TUBB1: variants seen among roughly 807,000 people sequenced by gnomAD.
TUBB1 encodes tubulin beta-1 chain.
Under a neutral mutation model 22.6 loss-of-function variants are expected in TUBB1, and 28 were observed. That is an observed-to-expected ratio of 1.24 (90% confidence interval 0.92 to 1.70). The LOEUF (loss-of-function observed/expected upper bound fraction) is 1.70. TUBB1 is among the 40% of genes most tolerant of loss of function. The pLI is 0.00. For synonymous variants in TUBB1, 226 were observed against 238.0 expected, an observed-to-expected ratio of 0.95 and a Z score of 0.46; for missense variants, 577 against 605.5, an observed-to-expected ratio of 0.95 and a Z score of 0.49.
chr20:59,023,049 G>C, intron 2 of TUBB1, 96 bp downstream of exon 2: 1 of 1,170,740 alleles, frequency 8.5e-7, no homozygotes, highest in Non-Finnish European at 1.2e-6. Flanking sequence ...TCAAAGCAGT[G>C]ATGTCTATGC....
At chr20:59,019,083 G>A (rs2091956491), upstream of TUBB1, among the ~76,000 whole-genome samples, 1 of 152,204 alleles carries the variant, frequency 6.6e-6, no homozygotes, top group African/African-American at 2.4e-5. Context: ...AAGATGGACA[G>A]GGAAAGCCCT....
chr20:59,022,430 C>G (rs1446094365), intron 1 of TUBB1, among the ~76,000 whole-genome samples: 1 of 151,658 alleles, frequency 6.6e-6, no homozygotes, highest in East Asian at 1.9e-4. Context: ...TGAGTTATTA[C>G]TGTGAAATCA....
rs1279800870 is a variant in TUBB1, at chr20:59,022,900, G to A, written c.113G>A (p.Gly38Glu). The change falls in exon 2 of 4, where the codon GGG (glycine) becomes GAG (glutamate). Residue 38 changes from glycine (G) to glutamate (E), a missense_variant. By Grantham distance (98) the Gly-to-Glu change is moderately conservative. Coordinates refer to ENST00000217133, the MANE Select transcript of TUBB1 (RefSeq NM_030773.4). ...ATCGACTTGGCTGGGAGCGACCGCG[G>A]GGCCTCGGCCTTGCAGCTGGAGAGA... ...HGIDLAGSDR[G>E]ASALQLERIS... 6 of 1,614,138 alleles carry A rather than the reference G, an allele frequency of 3.7e-6. No homozygotes were observed. Among genetic ancestry groups the A allele is most frequent in the Non-Finnish European group, 5.1e-6 (6 of 1,180,016 alleles).
intron 1 of TUBB1, 22 bp downstream of exon 1, chr20:59,019,601 A>T: frequency 6.2e-7 from 1 of 1,613,900 alleles, no homozygotes; most frequent in Non-Finnish European, 8.5e-7. Context: ...CTGGTTACTA[A>T]TCCTAGCTTT....
chr20:59,021,798 C>T (rs559702998), intron 1 of TUBB1, among the ~76,000 whole-genome samples: 2 of 152,270 alleles, frequency 1.3e-5, no homozygotes, highest in South Asian at 4.1e-4. Flanking sequence ...AGTTTGAGAC[C>T]AGCCTGGCTA....
At chr20:59,018,227 A>G (rs939554671), upstream of TUBB1, among the ~76,000 whole-genome samples, 5 of 152,248 alleles carry the variant, frequency 3.3e-5, no homozygotes, top group South Asian at 8.3e-4. Flanking sequence ...GGGCAAGGAT[A>G]TGGAGCTGGT....
rs753979060 is a variant in TUBB1 at position 59,024,743 on chromosome 20, C to T, written c.1316C>T (p.Thr439Met). ...GTTCTAGAGGAAGATGAAGAGGTCA[C>T]GGAGGAGGCAGAAATGGAGCCAGAA... ...KAVLEEDEEV[T>M]EEAEMEPEDK... Residue 439 changes from threonine (T) to methionine (M), a missense_variant, in exon 4 of 4, where the codon ACG (threonine) becomes ATG (methionine). By Grantham distance (81) the Thr-to-Met change is moderately conservative. Coordinates refer to ENST00000217133, the MANE Select transcript of TUBB1 (RefSeq NM_030773.4). The surrounding 1 kb of genome is among the most constrained non-coding windows in gnomAD (Gnocchi z 4.9). The T allele has an allele frequency of 2.2e-5, 36 of 1,614,020 alleles. No homozygotes were observed. In the South Asian group the frequency reaches 2.5e-4, roughly 11 times the overall value.
intron 1 of TUBB1, among the ~76,000 whole-genome samples, chr20:59,022,505 G>A (rs1021588118): frequency 3.3e-5 from 5 of 152,166 alleles, no homozygotes; most frequent in African/African-American, 1.2e-4. Context: ...GCATTATAAG[G>A]AGAAATTAGA....
chr20:59,024,173 AC>A lies in TUBB1; in HGVS notation c.748del (p.Leu250CysfsTer6). The A allele has an allele frequency of 6.2e-7, 1 of 1,614,130 alleles. No homozygotes were observed. The highest frequency in any genetic ancestry group is 8.5e-7 in the Non-Finnish European group (1 of 1,180,020). ...SLRFPGQLNA[D>X]LRKLAVNMVP... ...CGGTTCCCGGGTCAGCTCAACGCAG[AC>A]CTGCGCAAGCTGGCGGTGAACATGG... On this transcript the variant is annotated frameshift_variant, in exon 4 of 4. Coordinates refer to ENST00000217133, the MANE Select transcript of TUBB1 (RefSeq NM_030773.4). LOFTEE classifies it high-confidence loss of function. This position sits in a 1 kb window ranked among gnomAD's most constrained non-coding sequence, Gnocchi z 4.9.
intron 2 of TUBB1, 23 bp from the exon 3 acceptor site, chr20:59,023,467 C>T (rs755728120): frequency 3.7e-6 from 6 of 1,606,026 alleles, no homozygotes; most frequent in Non-Finnish European, 5.1e-6. Context: ...AGTAGGCTGA[C>T]TTTTTCCTAT....
chr20:59,019,062 A>G (rs577441159), upstream of TUBB1, among the ~76,000 whole-genome samples: 33 of 152,124 alleles, frequency 2.2e-4, no homozygotes, highest in Non-Finnish European at 4.0e-4. Flanking sequence ...AAGTCTGGAA[A>G]AGGGGCCGGG....
intron 1 of TUBB1, among the ~76,000 whole-genome samples, chr20:59,021,280 A>T (rs2091965799): frequency 6.6e-6 from 1 of 152,222 alleles, no homozygotes; most frequent in Non-Finnish European, 1.5e-5. Flanking sequence ...TAGCGTTGAG[A>T]GTCCTGGCTG....
Position 59,024,687 on chromosome 20 carries a change from C to CATGTT in TUBB1, c.1260_1261insATGTT (p.Glu421MetfsTer14), listed in dbSNP as rs1325185285. ...AAAATAACATCCATGATTTGGTATC[C>CATGTT]GAGTACCAACAATTTCAAGATGCCA... On this transcript the variant is annotated frameshift_variant, in exon 4 of 4. Coordinates refer to ENST00000217133, the MANE Select transcript of TUBB1 (RefSeq NM_030773.4). LOFTEE classifies it low-confidence loss of function (END_TRUNC). This position sits in a 1 kb window ranked among gnomAD's most constrained non-coding sequence, Gnocchi z 4.9. 5.0e-6 allele frequency: 8 copies of CATGTT among 1,614,014 alleles called. No homozygotes were observed. Among genetic ancestry groups the CATGTT allele is most frequent in the African/African-American group, 1.3e-5 (1 of 74,968 alleles).
Position 59,023,960 on chromosome 20 carries a change from C to A in TUBB1, c.533C>A (p.Thr178Asn). The change falls in exon 4 of 4, where the codon ACT (threonine) becomes AAT (asparagine). Residue 178 changes from threonine to asparagine, a missense_variant. By Grantham distance (65) the Thr-to-Asn change is moderately conservative (BLOSUM62 0). Transcript: ENST00000217133. ...SVMPSPKVSD[T>N]VVEPYNAVLS... The stretch of plus-strand genomic sequence containing the variant: ...ATGCCTTCTCCCAAGGTGTCGGACA[C>A]TGTGGTGGAGCCCTACAACGCGGTT... 6.2e-7 allele frequency: 1 copy of A among 1,614,200 alleles called. No homozygotes were observed.
chr20:59,025,321 T>C lies in TUBB1; in HGVS notation c.*538T>C, dbSNP rs575921661. The C allele has an allele frequency of 1.1e-5, 2 of 185,538 alleles. No individual in the cohort carries two copies. Among genetic ancestry groups the C allele is most frequent in the African/African-American group, 2.3e-5 (1 of 42,598 alleles). The allele number at this position is 185,538 out of a possible 1,614,324, so 11.5% of individuals were successfully genotyped here. The stretch of plus-strand genomic sequence containing the variant: ...TGGGGAGCTACAGAGCCAAGGTCAA[T>C]GTGAGTCAACATCCACTAGAAATAT... On this transcript the variant is annotated 3_prime_UTR_variant, in exon 4 of 4. Transcript: ENST00000217133.
rs1221983636 is a variant in TUBB1 at position 59,024,992 on chromosome 20, A to G, written c.*209A>G. 7 of 616,410 alleles carry G rather than the reference A, an allele frequency of 1.1e-5. No homozygotes were observed. In the Admixed American group the frequency reaches 1.9e-4, roughly 17 times the overall value. The allele number at this position is 616,410 out of a possible 1,614,324, so 38.2% of individuals were successfully genotyped here. A position where few individuals can be genotyped will look rare whatever the true frequency, so the allele number is the denominator to read the frequency against. On this transcript the variant is annotated 3_prime_UTR_variant, in exon 4 of 4. Coordinates refer to ENST00000217133, the MANE Select transcript of TUBB1 (RefSeq NM_030773.4). The surrounding 1 kb of genome is among the most constrained non-coding windows in gnomAD (Gnocchi z 4.9). ...TTGCTGACATCTACTAACCTTGAAG[A>G]GTTTGATGTTCAGTGCATACTTATT... is the stretch of plus-strand genomic sequence containing the variant.
chr20:59,019,713 C>T (rs1481218332), intron 1 of TUBB1, 134 bp downstream of exon 1: 9 of 933,938 alleles, frequency 9.6e-6, no homozygotes, highest in Non-Finnish European at 1.5e-5. Context: ...TCAGACAATG[C>T]CTTTGGGCTT....
Position 59,024,748 on chromosome 20 carries a change from G to C in TUBB1, c.1321G>C (p.Glu441Gln). 6.2e-7 allele frequency: 1 copy of C among 1,614,134 alleles called. No individual in the cohort carries two copies. The highest frequency in any genetic ancestry group is 8.5e-7 in the Non-Finnish European group (1 of 1,180,034). ...AGAGGAAGATGAAGAGGTCACGGAG[G>C]AGGCAGAAATGGAGCCAGAAGATAA... Reference protein sequence around the residue: ...VLEEDEEVTEEAEMEPEDKGH With the variant: ...VLEEDEEVTEQAEMEPEDKGH The change falls in exon 4 of 4, where the codon GAG becomes CAG. Residue 441 changes from glutamate (E) to glutamine (Q), a missense_variant. By Grantham distance (29) the Glu-to-Gln change is conservative. Transcript: ENST00000217133. This position sits in a 1 kb window ranked among gnomAD's most constrained non-coding sequence, Gnocchi z 4.9.
rs1039157941 is a variant in TUBB1 at position 59,024,413 on chromosome 20, A to G, written c.986A>G (p.Gln329Arg). The G allele has an allele frequency of 1.2e-6, 2 of 1,614,084 alleles. No individual in the cohort carries two copies. The highest frequency in any genetic ancestry group is 1.7e-6 in the Non-Finnish European group (2 of 1,180,032). Reference protein sequence around the residue: ...GKMSTKEVDQQLLSVQTRNSS... With the variant: ...GKMSTKEVDQRLLSVQTRNSS... ...ATGTCCACCAAGGAAGTGGACCAGC[A>G]ACTGCTCTCCGTGCAGACCAGGAAC... The change falls in exon 4 of 4, where the codon CAA becomes CGA. Residue 329 changes from glutamine to arginine, a missense_variant. Gln to Arg is a conservative substitution (Grantham distance 43). Coordinates refer to ENST00000217133, the MANE Select transcript of TUBB1 (RefSeq NM_030773.4). This position sits in a 1 kb window ranked among gnomAD's most constrained non-coding sequence, Gnocchi z 4.9.
Sources: gnomAD v4.1 joint callset for allele counts (sites outside exome capture counted in the v4.1 genomes callset) on GRCh38, gnomAD v4.1.1 for gene constraint, Gnocchi (gnomAD v3.1) non-coding constraint, MANE v1.5 for transcripts, NCBI Gene and HGNC (gene_info 2026-07-23, HGNC 2026-07-21) for gene names.